The following WDR27 variants were observed in gnomAD, a reference collection of about 807,000 sequenced individuals.
WDR27 encodes the protein WD repeat domain 27, also known as WD repeat-containing protein 27.
In WDR27, 100 loss-of-function variants were observed where a neutral mutation model predicts 114.4. The ratio of observed to expected loss-of-function variants is 0.87; its 90% confidence interval spans 0.74 to 1.03. The LOEUF is 1.03. Ranked by LOEUF, WDR27 falls within the 50% of genes least tolerant of loss-of-function variation. The pLI, the probability that WDR27 is intolerant of heterozygous loss-of-function variation, is 0.00. For synonymous variants in WDR27, 449 were observed against 423.1 expected (o/e 1.06, Z -0.75); for missense variants, 1,129 against 1,092.9 (o/e 1.03, Z -0.47).
intron 25 of WDR27, among the ~76,000 whole-genome samples, chr6:169,523,835 G>A (rs1024758667): frequency 6.6e-5 from 10 of 152,118 alleles, no homozygotes; most frequent in Middle Eastern, 6.8e-3. Context: ...AGCTAACACT[G>A]TACTGAATAA....
intron 25 of WDR27, among the ~76,000 whole-genome samples, chr6:169,536,597 A>G (rs555265188): frequency 9.2e-5 from 14 of 152,352 alleles, no homozygotes; most frequent in Non-Finnish European, 8.8e-5. Flanking sequence ...CAAATGTGTG[A>G]TCATGCTCAC....
rs75435613 is a variant in WDR27 at position 169,628,697 on chromosome 6, A to G, written c.2223+4250T>C. On this transcript the variant is annotated intron_variant, in intron 21 of 25. Coordinates refer to ENST00000448612, the MANE Select transcript of WDR27 (RefSeq NM_182552.5). ...TCTGGCAGCGATTCCACATCATTTT[A>G]TAGTGCTTAGAACAGTCAGCCTTGT... Among the ~76,000 whole-genome samples, 1,056 of 152,256 alleles carry G rather than the reference A, an allele frequency of 6.9e-3. 25 individuals carry two copies. The highest frequency in any genetic ancestry group is 0.025 in the African/African-American group (1,025 of 41,530).
intron 21 of WDR27, among the ~76,000 whole-genome samples, chr6:169,616,136 G>A (rs1811782202): frequency 6.6e-6 from 1 of 152,026 alleles, no homozygotes; most frequent in Admixed American, 6.6e-5. Flanking sequence ...TAAGAAGACT[G>A]AACTTAAATA....
At chr6:169,465,748 A>G (rs1785498809) in intron 25 of WDR27, among the ~76,000 whole-genome samples, 1 of 152,244 alleles carries the variant, frequency 6.6e-6, no homozygotes, top group Non-Finnish European at 1.5e-5. Context: ...TAAAACATAA[A>G]TGAACCTTGA....
chr6:169,636,227 A>G, intron 19 of WDR27, 144 bp downstream of exon 19: 1 of 976,622 alleles, frequency 1.0e-6, no homozygotes, highest in Admixed American at 3.0e-5. Flanking sequence ...GGATCTGGAT[A>G]ATTCCCTCTC....
At chr6:169,643,552 A>G in intron 17 of WDR27, 145 bp downstream of exon 17, 1 of 615,806 alleles carries the variant, frequency 1.6e-6, no homozygotes, top group Non-Finnish European at 2.8e-6. Context: ...ATCTCAGTAA[A>G]TCTAGTTTAG....
At chr6:169,667,468 T>C in intron 5 of WDR27, 1 of 849,162 alleles carries the variant, frequency 1.2e-6, no homozygotes, top group Non-Finnish European at 1.4e-6. Context: ...TCCCAGGCAC[T>C]TGGTCAACGC....
intron 2 of WDR27, among the ~76,000 whole-genome samples, chr6:169,685,188 C>G (rs1370617130): frequency 6.6e-6 from 1 of 151,918 alleles, no homozygotes; most frequent in East Asian, 1.9e-4. Flanking sequence ...ATGAAACGTG[C>G]TCCATATAAT....
chr6:169,483,297 G>C (rs749000967), intron 25 of WDR27, among the ~76,000 whole-genome samples: 20 of 152,116 alleles, frequency 1.3e-4, no homozygotes, highest in Non-Finnish European at 2.6e-4. Flanking sequence ...AATAAGAACA[G>C]AGAAGATCCA....
intron 4 of WDR27, 75 bp downstream of exon 4, chr6:169,670,494 T>C (rs1778421257): frequency 1.9e-6 from 3 of 1,570,082 alleles, no homozygotes; most frequent in Non-Finnish European, 2.6e-6. Flanking sequence ...AAAAGACCGC[T>C]GGGCAAGGTC....
At chr6:169,549,916 G>A (rs1797883860) in intron 25 of WDR27, among the ~76,000 whole-genome samples, 1 of 152,192 alleles carries the variant, frequency 6.6e-6, no homozygotes, top group Non-Finnish European at 1.5e-5. Context: ...TGGAACTACA[G>A]TATGTAGAGA....
intron 21 of WDR27, among the ~76,000 whole-genome samples, chr6:169,615,699 A>G (rs901269346): frequency 6.6e-6 from 1 of 152,246 alleles, no homozygotes; most frequent in East Asian, 1.9e-4. Flanking sequence ...CCTAGGCAAT[A>G]CCGTCCTAGA....
At position 169,623,826 on chromosome 6, in the gene WDR27, T is replaced by C. The variant is rs563178614; in HGVS notation, c.2223+9121A>G. On this transcript the variant is annotated intron_variant, in intron 21 of 25. Transcript: ENST00000448612. ...CACATTGAAAACTCCTCCCAACGGC[T>C]ACTCAGTGCCAGCCTGGGCCTGTTT... is the stretch of plus-strand genomic sequence containing the variant. Among the ~76,000 whole-genome samples, 8 of 152,340 alleles carry C rather than the reference T, an allele frequency of 5.3e-5. No individual in the cohort carries two copies. In the South Asian group the frequency reaches 1.7e-3, roughly 32 times the overall value.
At chr6:169,597,419 T>A (rs1807027091) in intron 23 of WDR27, among the ~76,000 whole-genome samples, 1 of 151,860 alleles carries the variant, frequency 6.6e-6, no homozygotes, top group Non-Finnish European at 1.5e-5. Flanking sequence ...CAAAAAAAAC[T>A]CCCAAGGCTC....
chr6:169,554,914 G>A (rs1263973730), intron 25 of WDR27, among the ~76,000 whole-genome samples: 1 of 152,030 alleles, frequency 6.6e-6, no homozygotes, highest in African/African-American at 2.4e-5. Flanking sequence ...TTGCCTCCAC[G>A]ATGACATAAA....
intron 25 of WDR27, chr6:169,558,257 T>G (rs1051032184): frequency 6.6e-6 from 1 of 152,166 alleles, no homozygotes; most frequent in African/African-American, 2.4e-5. Flanking sequence ...CTCTTCTGAT[T>G]GCTATTCTAA....
At chr6:169,459,425 A>T (rs113528893) in intron 25 of WDR27, among the ~76,000 whole-genome samples, 1,981 of 152,194 alleles carry the variant, frequency 0.013, 41 homozygotes, top group African/African-American at 0.041. Context: ...AAGTGAACAG[A>T]GCCTAAAGGG....
rs1004842435 is a variant in WDR27 at position 169,564,943 on chromosome 6, G to A, written c.2645+7476C>T. On this transcript the variant is annotated intron_variant, in intron 25 of 25. Coordinates refer to ENST00000448612, the MANE Select transcript of WDR27 (RefSeq NM_182552.5). The stretch of plus-strand genomic sequence containing the variant: ...CGCAACCACAGGTGCAGAACGGGTC[G>A]GGAGTTAAGTGACCATGCCAGGGAC... Among the ~76,000 whole-genome samples the A allele has an allele frequency of 5.3e-5, 8 of 152,314 alleles. No homozygotes were observed. The East Asian group carries it at 1.5e-3, about 29-fold the overall frequency.
chr6:169,574,473 C>G (rs1026911537), intron 24 of WDR27, among the ~76,000 whole-genome samples: 2 of 152,050 alleles, frequency 1.3e-5, no homozygotes, highest in Non-Finnish European at 2.9e-5. Context: ...GAATCTGTCT[C>G]CCGCTTTTCA....
Sources: allele counts gnomAD v4.1 joint callset (sites outside exome capture counted in the v4.1 genomes callset), GRCh38; gene constraint gnomAD v4.1.1; transcripts MANE v1.5; gene names NCBI Gene and HGNC (gene_info 2026-07-23, HGNC 2026-07-21).